RNF214: variants seen among roughly 807,000 people sequenced by gnomAD.
RNF214 encodes the protein ring finger protein 214.
A neutral mutation model predicts 75.9 loss-of-function variants in RNF214; 25 were observed. The observed-to-expected ratio is 0.33, with a 90% confidence interval of 0.24 to 0.46. RNF214 has a LOEUF of 0.46. Among genes scored for constraint, RNF214 ranks in the 20% least tolerant of loss-of-function variants. The probability of loss-of-function intolerance (pLI) is 1.00; values close to 1 mark genes in which losing one functional copy is unlikely to be tolerated. For missense variants in RNF214, 725 were observed against 857.5 expected, an observed-to-expected ratio of 0.85 and a Z score of 1.93; for synonymous variants, 314 against 308.8, an observed-to-expected ratio of 1.02 and a Z score of -0.18.
chr11:117,272,434 T>TG (rs2033931391), intron 6 of RNF214, among the ~76,000 whole-genome samples: 1 of 151,702 alleles, frequency 6.6e-6, no homozygotes. Flanking sequence ...CAGGGTCAGT[T>TG]GGGGGGGTAG....
intron 6 of RNF214, among the ~76,000 whole-genome samples, chr11:117,260,549 T>C (rs2033633190): frequency 6.6e-6 from 1 of 151,590 alleles, no homozygotes; most frequent in Middle Eastern, 3.2e-3. Context: ...GGCTCATGCC[T>C]GTAATCCCAG....
At chr11:117,234,108 A>G (rs547729765) in intron 1 of RNF214, among the ~76,000 whole-genome samples, 159 bp from the exon 2 acceptor site, 73 of 152,194 alleles carry the variant, frequency 4.8e-4, no homozygotes, top group Admixed American at 2.6e-4. Flanking sequence ...TTTGCATACA[A>G]TGTCTCTTTT....
At chr11:117,265,171 G>A (rs2033768951) in intron 6 of RNF214, among the ~76,000 whole-genome samples, 1 of 151,902 alleles carries the variant, frequency 6.6e-6, no homozygotes, top group South Asian at 2.1e-4. Flanking sequence ...GATTTGATTG[G>A]ATTAAGTCTA....
At chr11:117,270,279 T>C (rs2033883493) in intron 6 of RNF214, among the ~76,000 whole-genome samples, 2 of 141,476 alleles carry the variant, frequency 1.4e-5, no homozygotes, top group African/African-American at 5.4e-5. Context: ...AGTCAGGGTC[T>C]TACTCAGTTG....
chr11:117,283,162 G>A lies in RNF214; in HGVS notation c.1998G>A (p.Gln666=). ...KLCLMCQKLV[Q]PSELHPMACT... ...GTCTAATGTGCCAGAAACTCGTCCA[G>A]CCCAGTGAGCTGCATCCAATGGCGT... The change falls in exon 14 of 15, where the codon CAG becomes CAA. Residue 666 remains glutamine, a synonymous_variant. Coordinates refer to ENST00000300650, the MANE Select transcript of RNF214 (RefSeq NM_207343.4). 6.2e-7 allele frequency: 1 copy of A among 1,614,090 alleles called. No homozygotes were observed. Among genetic ancestry groups the A allele is most frequent in the Non-Finnish European group, 8.5e-7 (1 of 1,180,000 alleles).
intron 6 of RNF214, among the ~76,000 whole-genome samples, chr11:117,249,732 T>G (rs1486159045): frequency 2.6e-5 from 4 of 152,226 alleles, no homozygotes; most frequent in Admixed American, 6.5e-5. Context: ...GACAGCTGCC[T>G]TCTTCTGGTC....
chr11:117,285,017 T>G, intron 14 of RNF214, 69 bp from the exon 15 acceptor site: 3 of 1,123,156 alleles, frequency 2.7e-6, no homozygotes, highest in Non-Finnish European at 4.1e-6. Context: ...TTGAACCTTA[T>G]TGGCATTCTC....
intron 10 of RNF214, 80 bp downstream of exon 10, chr11:117,281,778 A>C (rs1352746038): frequency 1.3e-6 from 2 of 1,508,542 alleles, no homozygotes; most frequent in East Asian, 4.5e-5. Context: ...TCTTTTTATG[A>C]AGATATTGGG....
chr11:117,282,671 G>A, intron 12 of RNF214, 75 bp from the exon 13 acceptor site: 1 of 1,551,480 alleles, frequency 6.4e-7, no homozygotes, highest in African/African-American at 1.4e-5. Flanking sequence ...CCTGGACTGG[G>A]AAATAAGTGA....
chr11:117,273,575 C>G lies in RNF214; in HGVS notation c.960-6333C>G, dbSNP rs2134410486. Among the ~76,000 whole-genome samples, 2 of 152,174 alleles carry G rather than the reference C, an allele frequency of 1.3e-5. 1 individual carries two copies. On this transcript the variant is annotated intron_variant, in intron 6 of 14. Coordinates refer to ENST00000300650, the MANE Select transcript of RNF214 (RefSeq NM_207343.4). ...TTATACAACCAACAAGTTTATATGA[C>G]CACTGTGCAGTAGTAGATCAGTTAC...
At chr11:117,235,530 G>T (rs1235783847) in intron 2 of RNF214, among the ~76,000 whole-genome samples, 2 of 123,276 alleles carry the variant, frequency 1.6e-5, no homozygotes, top group Non-Finnish European at 3.2e-5. Context: ...ATGGAGTCTC[G>T]CTCTGTCGCC....
At chr11:117,284,764 T>C (rs1368246459) in intron 14 of RNF214, among the ~76,000 whole-genome samples, 1 of 151,906 alleles carries the variant, frequency 6.6e-6, no homozygotes, top group African/African-American at 2.4e-5. Context: ...ACCCCATCCC[T>C]ACTAAAAATA....
intron 10 of RNF214, 57 bp from the exon 11 acceptor site, chr11:117,281,837 T>A: frequency 6.3e-7 from 1 of 1,582,346 alleles, no homozygotes; most frequent in Non-Finnish European, 8.6e-7. Context: ...TTCTCCAGTT[T>A]CCTAAACTTT....
chr11:117,235,781 G>A (rs1271013498), intron 2 of RNF214, among the ~76,000 whole-genome samples: 2 of 152,090 alleles, frequency 1.3e-5, no homozygotes, highest in South Asian at 2.1e-4. Context: ...ATAATTGTAC[G>A]TATTCATGGG....
chr11:117,260,342 C>T (rs1469538848), intron 6 of RNF214, among the ~76,000 whole-genome samples: 1 of 152,206 alleles, frequency 6.6e-6, no homozygotes, highest in Non-Finnish European at 1.5e-5. Context: ...TTCATTTTTT[C>T]CATGTAGATA....
At chr11:117,240,113 G>A (rs1476702785) in intron 4 of RNF214, among the ~76,000 whole-genome samples, 3 of 152,006 alleles carry the variant, frequency 2.0e-5, no homozygotes, top group Non-Finnish European at 4.4e-5. Flanking sequence ...AACATTTTGG[G>A]AAGCCGAAGT....
chr11:117,272,889 G>A (rs573956), intron 6 of RNF214, among the ~76,000 whole-genome samples: 108,836 of 152,016 alleles, frequency 0.72, 40,454 homozygotes, highest in East Asian at 0.95. Flanking sequence ...TAATTAACAA[G>A]GACCCCAAAG....
chr11:117,285,378 G>A lies in RNF214; in HGVS notation c.*227G>A. On this transcript the variant is annotated 3_prime_UTR_variant, in exon 15 of 15. Transcript: ENST00000300650. ...CCCCTCATCTTGCAATTCCTTTGGG[G>A]GATGCAGATTGTAGGGAAGATGATG... 1 of 388,484 alleles carries A rather than the reference G, an allele frequency of 2.6e-6. No individual in the cohort carries two copies. Among genetic ancestry groups the A allele is most frequent in the Non-Finnish European group, 4.6e-6 (1 of 216,382 alleles). The allele number at this position is 388,484 out of a possible 1,614,324, so 24.1% of individuals were successfully genotyped here.
intron 6 of RNF214, among the ~76,000 whole-genome samples, chr11:117,259,208 C>CG (rs2033600252): frequency 6.6e-6 from 1 of 152,176 alleles, no homozygotes; most frequent in Admixed American, 6.6e-5. Flanking sequence ...CTGCCTGCCT[C>CG]GGCCTCCCAA....
Sources: allele counts gnomAD v4.1 joint callset (sites outside exome capture counted in the v4.1 genomes callset), GRCh38; gene constraint gnomAD v4.1.1; transcripts MANE v1.5; gene names NCBI Gene and HGNC (gene_info 2026-07-23, HGNC 2026-07-21).